ATP10B: variants seen among roughly 807,000 people sequenced by gnomAD.
The protein encoded by ATP10B is ATPase phospholipid transporting 10B (putative), also known as phospholipid-transporting ATPase VB.
Under a neutral mutation model 141.2 loss-of-function variants are expected in ATP10B, and 122 were observed. The observed-to-expected ratio is 0.86, with a 90% CI of 0.75 to 1.00. ATP10B has a LOEUF of 1.00. Among genes scored for constraint, ATP10B ranks in the 50% least tolerant of loss-of-function variants. ATP10B has a pLI of 0.00. For synonymous variants in ATP10B, 685 were observed against 692.0 expected, an observed-to-expected ratio of 0.99 and a Z score of 0.16; for missense variants, 1,876 against 1,825.3, an observed-to-expected ratio of 1.03 and a Z score of -0.51.
At position 160,652,924 on chromosome 5, in the gene ATP10B, A is replaced by ACGTGTACATACAATG; in HGVS notation, c.676-3669_676-3668insCATTGTATGTACACG. Among the ~76,000 whole-genome samples the ACGTGTACATACAATG allele has an allele frequency of 4.4e-4, 36 of 82,348 alleles. 5 individuals carry two copies. Among genetic ancestry groups the ACGTGTACATACAATG allele is most frequent in the African/African-American group, 2.0e-3 (36 of 17,844 alleles). 54.0% of individuals were successfully genotyped at this position (82,348 alleles called of 152,430 possible). ...TATTATATATACATGTATATATAAT[A>ACGTGTACATACAATG]TATTATATATACATGTATATATAAT... is the stretch of plus-strand genomic sequence containing the variant. On this transcript the variant is annotated intron_variant, in intron 7 of 25. Coordinates refer to ENST00000327245, the MANE Select transcript of ATP10B (RefSeq NM_025153.3).
chr5:160,899,392 A>G, the ATP10B span, among the ~76,000 whole-genome samples: 1 of 152,198 alleles, frequency 6.6e-6, no homozygotes, highest in East Asian at 1.9e-4. Flanking sequence ...GGCTTTTGGG[A>G]GACAGGGTGG....
chr5:160,569,078 C>T (rs1484435748), intron 25 of ATP10B, among the ~76,000 whole-genome samples: 3 of 152,182 alleles, frequency 2.0e-5, no homozygotes, highest in African/African-American at 7.2e-5. Flanking sequence ...GCTCTTTCTT[C>T]CAATATCTGT....
At chr5:160,715,601 G>A (rs1007839478) in intron 3 of ATP10B, among the ~76,000 whole-genome samples, 7 of 152,060 alleles carry the variant, frequency 4.6e-5, no homozygotes, top group Middle Eastern at 3.4e-3. Flanking sequence ...GGGAGCTGTA[G>A]ACCGGAGCTG....
chr5:160,734,203 C>T (rs753732614), intron 2 of ATP10B, among the ~76,000 whole-genome samples: 2 of 151,468 alleles, frequency 1.3e-5, no homozygotes, highest in African/African-American at 2.4e-5. Flanking sequence ...TGCATCAGAC[C>T]TGCACTACAA....
intron 3 of ATP10B, among the ~76,000 whole-genome samples, chr5:160,707,010 GCT>G (rs1237268622): frequency 6.6e-6 from 1 of 152,010 alleles, no homozygotes; most frequent in Non-Finnish European, 1.5e-5. Context: ...GAGTGCAGTG[GCT>G]CTGAGTCAGC....
intron 7 of ATP10B, among the ~76,000 whole-genome samples, chr5:160,668,154 C>A (rs974481414): frequency 6.7e-6 from 1 of 149,236 alleles, no homozygotes; most frequent in Non-Finnish European, 1.5e-5. Context: ...AACCCTTGAA[C>A]CCAGTAGGCA....
intron 2 of ATP10B, among the ~76,000 whole-genome samples, chr5:160,775,313 CAG>C (rs1181664719): frequency 6.6e-6 from 1 of 152,206 alleles, no homozygotes; most frequent in Non-Finnish European, 1.5e-5. Flanking sequence ...TGCAACTAAG[CAG>C]AGTGCAGGAA....
the ATP10B span, among the ~76,000 whole-genome samples, chr5:160,885,886 C>T: frequency 2.6e-5 from 4 of 152,312 alleles, no homozygotes; most frequent in East Asian, 1.9e-4. Context: ...CTTAGATACA[C>T]GTCCTCTTGC....
chr5:160,763,408 A>G (rs1027625451), intron 2 of ATP10B, among the ~76,000 whole-genome samples: 2 of 152,148 alleles, frequency 1.3e-5, no homozygotes, highest in African/African-American at 2.4e-5. Context: ...CTCCAAGACG[A>G]ACCTTCAAAA....
chr5:160,702,008 TA>T (rs1764711404), intron 3 of ATP10B, among the ~76,000 whole-genome samples: 1 of 150,528 alleles, frequency 6.6e-6, no homozygotes, highest in Admixed American at 6.6e-5. Flanking sequence ...TCTACCCCAG[TA>T]CTTTATGAGG....
the ATP10B span, among the ~76,000 whole-genome samples, chr5:160,885,047 T>A: frequency 1.3e-5 from 2 of 152,340 alleles, no homozygotes; most frequent in Non-Finnish European, 2.9e-5. Flanking sequence ...TTCCTTTCTG[T>A]TTTTATCCCT....
the ATP10B span, among the ~76,000 whole-genome samples, chr5:160,859,501 C>CT: frequency 4.0e-5 from 6 of 151,666 alleles, no homozygotes; most frequent in African/African-American, 7.3e-5. Flanking sequence ...CACAGGCCCC[C>CT]TCCCCATAAT....
chr5:160,832,501 A>G (rs1330975669), intron 1 of ATP10B, among the ~76,000 whole-genome samples: 1 of 152,152 alleles, frequency 6.6e-6, no homozygotes, highest in East Asian at 1.9e-4. Flanking sequence ...ATTTACACAC[A>G]TATGCCCACA....
In ATP10B at chr5:160,747,735, G is replaced by C. The variant is rs192337616; in HGVS notation, c.-330-30701C>G. ...AAAACTGTAAGAGTACATGTCTGCT[G>C]TTTTAAGCCATCTGGTTTGTGGTAC... On this transcript the variant is annotated intron_variant, in intron 2 of 25. Transcript: ENST00000327245. 2.5e-3 allele frequency among the ~76,000 whole-genome samples: 381 copies of C among 152,318 alleles called. 3 individuals carry two copies. The highest frequency in any genetic ancestry group is 8.9e-3 in the African/African-American group (368 of 41,576).
the ATP10B span, among the ~76,000 whole-genome samples, chr5:160,884,881 G>GT: frequency 6.6e-6 from 1 of 152,148 alleles, no homozygotes; most frequent in African/African-American, 2.4e-5. Context: ...TCTACTGGAT[G>GT]TTTAATTGCA....
intron 1 of ATP10B, among the ~76,000 whole-genome samples, chr5:160,802,084 G>A (rs971696125): frequency 6.6e-6 from 1 of 152,148 alleles, no homozygotes; most frequent in African/African-American, 2.4e-5. Context: ...GACGTTGAAG[G>A]GATTTCTGCG....
intron 13 of ATP10B, among the ~76,000 whole-genome samples, chr5:160,631,740 C>T (rs569204586): frequency 1.8e-4 from 27 of 152,214 alleles, no homozygotes; most frequent in African/African-American, 3.6e-4. Context: ...ACCTCAGTGA[C>T]GGGATACATA....
At chr5:160,809,600 A>G (rs1209498190) in intron 1 of ATP10B, among the ~76,000 whole-genome samples, 1 of 152,224 alleles carries the variant, frequency 6.6e-6, no homozygotes, top group East Asian at 1.9e-4. Flanking sequence ...ATTGTTAACA[A>G]TAGTCATCTT....
intron 3 of ATP10B, among the ~76,000 whole-genome samples, chr5:160,705,216 C>A (rs554076535): frequency 3.9e-5 from 6 of 152,152 alleles, no homozygotes; most frequent in Non-Finnish European, 7.4e-5. Flanking sequence ...CGGTGCCCAA[C>A]CTTATCCTTT....
Sources: allele counts gnomAD v4.1 joint callset (sites outside exome capture counted in the v4.1 genomes callset), GRCh38; gene constraint gnomAD v4.1.1; transcripts MANE v1.5; gene names NCBI Gene and HGNC (gene_info 2026-07-23, HGNC 2026-07-21).